Variants in DLC1 observed in about 807,000 individuals in gnomAD.
DLC1 encodes DLC1 Rho GTPase activating protein.
Under a neutral mutation model 140.3 loss-of-function variants are expected in DLC1, and 54 were observed. The ratio of observed to expected loss-of-function variants is 0.38; its 90% CI spans 0.31 to 0.48. The LOEUF (loss-of-function observed/expected upper bound fraction) is 0.48, where lower values mean the gene tolerates loss of function less well. Among genes scored for constraint, DLC1 ranks in the 20% least tolerant of loss-of-function variants. The pLI is 0.96. For synonymous variants in DLC1, 986 were observed against 728.1 expected, an observed-to-expected ratio of 1.35 and a Z score of -5.70; for missense variants, 2,536 against 1,907.0, an observed-to-expected ratio of 1.33 and a Z score of -6.14.
chr8:13,414,952 A>G (rs1837978745), intron 2 of DLC1, among the ~76,000 whole-genome samples: 1 of 152,074 alleles, frequency 6.6e-6, no homozygotes, highest in Admixed American at 6.5e-5. Context: ...CTGGGATTAC[A>G]GGCGTGCGCC....
At position 13,185,785 on chromosome 8, in the gene DLC1, T is replaced by C. The variant is rs138856069; in HGVS notation, c.1349-70128A>G. The stretch of plus-strand genomic sequence containing the variant: ...GGCATGTTTTTGCAGTGGTTGGTAC[T>C]GGTTGATCCTTTCCATGTTTAGTGC... On this transcript the variant is annotated intron_variant, in intron 5 of 17. Coordinates refer to ENST00000276297, the MANE Select transcript of DLC1 (RefSeq NM_182643.3). Among the ~76,000 whole-genome samples, 11 of 152,324 alleles carry C rather than the reference T, an allele frequency of 7.2e-5. 1 individual carries two copies. Among genetic ancestry groups the C allele is most frequent in the African/African-American group, 2.6e-4 (11 of 41,574 alleles).
At chr8:13,249,976 C>A (rs1172010039) in intron 5 of DLC1, among the ~76,000 whole-genome samples, 4 of 152,132 alleles carry the variant, frequency 2.6e-5, no homozygotes, top group African/African-American at 9.7e-5. Flanking sequence ...GCTTGGGGGG[C>A]CTCTCCCTTG....
intron 5 of DLC1, among the ~76,000 whole-genome samples, chr8:13,179,500 T>TGA (rs1825926025): frequency 6.6e-6 from 1 of 152,044 alleles, no homozygotes; most frequent in Admixed American, 6.6e-5. Flanking sequence ...GCAGACAGAT[T>TGA]GCTTGAGCTC....
intron 5 of DLC1, among the ~76,000 whole-genome samples, chr8:13,158,631 A>T (rs1484598539): frequency 6.6e-6 from 1 of 151,688 alleles, no homozygotes; most frequent in Non-Finnish European, 1.5e-5. Flanking sequence ...AGGGAGGGAC[A>T]GATACTTCCC....
chr8:13,588,174 T>C (rs57320124), intron 1 of DLC1, among the ~76,000 whole-genome samples: 4,429 of 151,928 alleles, frequency 0.029, 237 homozygotes, highest in Admixed American at 0.12. Flanking sequence ...CGAAATTACA[T>C]AATGGCAGAG....
intron 5 of DLC1, among the ~76,000 whole-genome samples, chr8:13,199,824 C>T (rs1034702682): frequency 6.6e-6 from 1 of 152,076 alleles, no homozygotes; most frequent in Admixed American, 6.6e-5. Context: ...CTGTCTACTC[C>T]ACAGCATGGC....
At chr8:13,377,953 G>A (rs1391205370) in intron 4 of DLC1, among the ~76,000 whole-genome samples, 2 of 151,088 alleles carry the variant, frequency 1.3e-5, no homozygotes, top group East Asian at 3.9e-4. Context: ...CACTTAACAT[G>A]TTTTTATCAA....
intron 1 of DLC1, among the ~76,000 whole-genome samples, chr8:13,587,105 C>CACACACACACACACAT (rs879540746): frequency 7.0e-4 from 105 of 150,236 alleles, no homozygotes; most frequent in East Asian, 5.8e-3. Context: ...CACACACACA[C>CACACACACACACACAT]ATTCATGCAT....
At chr8:13,377,751 G>A (rs955666733) in intron 4 of DLC1, among the ~76,000 whole-genome samples, 1 of 151,876 alleles carries the variant, frequency 6.6e-6, no homozygotes, top group Non-Finnish European at 1.5e-5. Flanking sequence ...TACTTTAAAG[G>A]TCTCTTGTTT....
At chr8:13,238,175 G>A (rs1265439997) in intron 5 of DLC1, among the ~76,000 whole-genome samples, 1 of 152,066 alleles carries the variant, frequency 6.6e-6, no homozygotes, top group Non-Finnish European at 1.5e-5. Context: ...TATGTATTTT[G>A]AAGGCATGTA....
intron 2 of DLC1, among the ~76,000 whole-genome samples, chr8:13,466,643 G>A (rs1799956822): frequency 6.6e-6 from 1 of 152,146 alleles, no homozygotes; most frequent in Admixed American, 6.5e-5. Context: ...AGCCCCATCA[G>A]AGCAGGGCTA....
chr8:13,514,438 A>G (rs577236143), intron 1 of DLC1, among the ~76,000 whole-genome samples, 164 bp downstream of exon 1: 75 of 152,164 alleles, frequency 4.9e-4, no homozygotes, highest in Non-Finnish European at 9.1e-4. Context: ...AAACGAATTG[A>G]CTCAGAATTT....
chr8:13,539,666 G>C (rs185998983), intron 1 of DLC1, among the ~76,000 whole-genome samples: 2 of 152,154 alleles, frequency 1.3e-5, no homozygotes, highest in East Asian at 1.9e-4. Context: ...TTCTGGTTAA[G>C]ATTATAACCT....
At chr8:13,479,844 G>GA (rs1157063386) in intron 2 of DLC1, among the ~76,000 whole-genome samples, 471 of 15,264 alleles carry the variant, frequency 0.031, 51 homozygotes, top group Non-Finnish European at 0.1. Flanking sequence ...AGAAGAAGAA[G>GA]AAGAAGAAGA....
At chr8:13,122,818 A>C (rs1299378075) in intron 5 of DLC1, among the ~76,000 whole-genome samples, 1 of 151,746 alleles carries the variant, frequency 6.6e-6, no homozygotes, top group Non-Finnish European at 1.5e-5. Flanking sequence ...AAAAAAAAAA[A>C]CAAGAAGCTT....
At chr8:13,550,930 G>C (rs942823065) in intron 1 of DLC1, among the ~76,000 whole-genome samples, 2 of 151,900 alleles carry the variant, frequency 1.3e-5, no homozygotes, top group Admixed American at 6.6e-5. Context: ...AAATCAATGG[G>C]TTAAATGAAG....
At chr8:13,334,202 G>C (rs1671361) in intron 4 of DLC1, among the ~76,000 whole-genome samples, 139,035 of 152,010 alleles carry the variant, frequency 0.91, 63,636 homozygotes, top group Middle Eastern at 0.98. Context: ...ATTGCAAGCA[G>C]TGACACAGAG....
At chr8:13,486,194 GA>G (rs1800960266) in intron 2 of DLC1, among the ~76,000 whole-genome samples, 1 of 152,060 alleles carries the variant, frequency 6.6e-6, no homozygotes, top group African/African-American at 2.4e-5. Flanking sequence ...CATGCCTTAG[GA>G]AAAAGCAAAT....
chr8:13,270,772 A>G (rs1830899482), intron 5 of DLC1, among the ~76,000 whole-genome samples: 1 of 152,052 alleles, frequency 6.6e-6, no homozygotes, highest in Non-Finnish European at 1.5e-5. Flanking sequence ...ACTTTTGCCC[A>G]AAAGCCCAAA....
Sources: allele counts gnomAD v4.1 joint callset (sites outside exome capture counted in the v4.1 genomes callset), GRCh38; gene constraint gnomAD v4.1.1; transcripts MANE v1.5; gene names NCBI Gene and HGNC (gene_info 2026-07-23, HGNC 2026-07-21).